Variants in TCF7L2 observed in about 807,000 individuals in gnomAD.
TCF7L2 encodes transcription factor 7-like 2.
A neutral mutation model predicts 77.9 loss-of-function variants in TCF7L2; 23 were observed. That is an observed-to-expected ratio of 0.30 (90% CI 0.21 to 0.42). TCF7L2 has a LOEUF of 0.42. Among genes scored for constraint, TCF7L2 ranks in the 10% least tolerant of loss-of-function variants. The pLI is 1.00. For synonymous variants in TCF7L2, 413 were observed against 340.2 expected (o/e 1.21, Z -2.36); for missense variants, 654 against 793.1 (o/e 0.82, Z 2.11).
intron 4 of TCF7L2, among the ~76,000 whole-genome samples, chr10:112,998,887 T>C (rs192064894): frequency 2.6e-5 from 4 of 152,382 alleles, no homozygotes; most frequent in Non-Finnish European, 5.9e-5. Context: ...TCACATCAAA[T>C]TAAGATACTG....
At chr10:113,039,908 C>A in intron 4 of TCF7L2, 117 bp from the exon 5 acceptor site, 1 of 804,438 alleles carries the variant, frequency 1.2e-6, no homozygotes, top group Non-Finnish European at 2.0e-6. Context: ...TGATTATTTG[C>A]ATGCTTGTAT....
chr10:113,048,002 G>A (rs1295724621), intron 5 of TCF7L2, among the ~76,000 whole-genome samples: 2 of 152,184 alleles, frequency 1.3e-5, no homozygotes, highest in African/African-American at 2.4e-5. Context: ...GGAAGCACTG[G>A]GATATGCGAA....
chr10:113,165,191 C>T (rs967190619), intron 13 of TCF7L2, among the ~76,000 whole-genome samples: 5 of 152,194 alleles, frequency 3.3e-5, no homozygotes, highest in Non-Finnish European at 5.9e-5. Context: ...TTCAGTTCTT[C>T]TCAATTTGGA....
At chr10:113,109,848 A>G (rs546436943) in intron 5 of TCF7L2, among the ~76,000 whole-genome samples, 1 of 152,342 alleles carries the variant, frequency 6.6e-6, no homozygotes, top group East Asian at 1.9e-4. Context: ...CATAATGTGC[A>G]TATGGTTCAT....
chr10:112,954,156 T>C (rs149851704), intron 3 of TCF7L2, among the ~76,000 whole-genome samples: 15 of 151,544 alleles, frequency 9.9e-5, no homozygotes, highest in African/African-American at 3.4e-4. Flanking sequence ...GGGCTTCCCA[T>C]ACTCTTCTGA....
intron 4 of TCF7L2, among the ~76,000 whole-genome samples, chr10:112,997,976 G>A (rs570413686): frequency 8.6e-5 from 13 of 151,942 alleles, no homozygotes; most frequent in Non-Finnish European, 1.8e-4. Flanking sequence ...TTAATTAATT[G>A]CCTTGACAGT....
At position 113,144,138 on chromosome 10, in the gene TCF7L2, A is replaced by ATG. The variant is rs914968388; in HGVS notation, c.788+123_788+124dup. ...TGTGTGTGTGTGTGTGTGTGTGTGT[A>ATG]TGTGTGTGTGTTAGAAGCCAGGGTT... On this transcript the variant is annotated intron_variant, in intron 7 of 13. Coordinates refer to ENST00000627217, the MANE Select transcript of TCF7L2 (RefSeq NM_001146274.2). 197 of 440,738 alleles carry ATG rather than the reference A, an allele frequency of 4.5e-4. 1 individual carries two copies. The highest frequency in any genetic ancestry group is 6.2e-4 in the Non-Finnish European group (182 of 293,780). 27.3% of individuals were successfully genotyped at this position (440,738 alleles called of 1,614,324 possible).
intron 3 of TCF7L2, chr10:112,951,898 G>GT (rs1440346288): frequency 8.1e-6 from 1 of 123,652 alleles, no homozygotes; most frequent in Non-Finnish European, 1.7e-5. Context: ...TGGGGAGGGG[G>GT]GGGAATCCGA....
intron 4 of TCF7L2, among the ~76,000 whole-genome samples, chr10:112,998,925 A>G (rs764796907): frequency 3.3e-5 from 5 of 152,168 alleles, no homozygotes; most frequent in Non-Finnish European, 7.3e-5. Flanking sequence ...TTATTTTTCC[A>G]TGTCCTCTTC....
rs148702761 is a variant in TCF7L2 at position 112,974,079 on chromosome 10, A to G, written c.450+9455A>G. Among the ~76,000 whole-genome samples, 304 of 152,356 alleles carry G rather than the reference A, an allele frequency of 2.0e-3. 1 individual carries two copies. The highest frequency in any genetic ancestry group is 3.4e-3 in the Middle Eastern group (1 of 294). Reference sequence around the variant, plus strand: ...TATCTTTCAACACGGCTTTCTTTCTATCTTTCCAGGAGAGGTTATCATCTT... The same window carrying G: ...TATCTTTCAACACGGCTTTCTTTCTGTCTTTCCAGGAGAGGTTATCATCTT... On this transcript the variant is annotated intron_variant, in intron 4 of 13. Coordinates refer to ENST00000627217, the MANE Select transcript of TCF7L2 (RefSeq NM_001146274.2).
At chr10:113,090,272 A>G in intron 5 of TCF7L2, among the ~76,000 whole-genome samples, 1 of 152,232 alleles carries the variant, frequency 6.6e-6, no homozygotes, top group East Asian at 1.9e-4. Context: ...TTTAAACAGC[A>G]AATGATTTAG....
intron 4 of TCF7L2, among the ~76,000 whole-genome samples, chr10:113,030,389 C>T (rs1175294447): frequency 6.6e-6 from 1 of 152,244 alleles, no homozygotes; most frequent in Non-Finnish European, 1.5e-5. Flanking sequence ...CATTCCTGGG[C>T]TGCTCCTTGT....
At chr10:113,110,395 A>AT (rs1243398063) in intron 5 of TCF7L2, among the ~76,000 whole-genome samples, 3 of 114,196 alleles carry the variant, frequency 2.6e-5, no homozygotes, top group Non-Finnish European at 5.6e-5. Context: ...TTTTTTACGA[A>AT]TTTTTTTCCT....
chr10:112,955,523 G>A (rs1589629136), intron 3 of TCF7L2, among the ~76,000 whole-genome samples: 1 of 152,172 alleles, frequency 6.6e-6, no homozygotes, highest in East Asian at 1.9e-4. Context: ...AGGCATTTGG[G>A]AGCCTAACGA....
At chr10:113,071,112 G>A (rs948134009) in intron 5 of TCF7L2, among the ~76,000 whole-genome samples, 9 of 152,088 alleles carry the variant, frequency 5.9e-5, no homozygotes, top group South Asian at 2.1e-4. Flanking sequence ...CTCAGATGTC[G>A]CCCTAGGCTT....
At chr10:113,090,188 A>G (rs574067710) in intron 5 of TCF7L2, among the ~76,000 whole-genome samples, 2 of 152,352 alleles carry the variant, frequency 1.3e-5, no homozygotes, top group East Asian at 3.9e-4. Context: ...AGAAAAAATA[A>G]CACCTAGAAC....
At chr10:113,113,065 C>A (rs934673727) in intron 5 of TCF7L2, among the ~76,000 whole-genome samples, 2 of 152,056 alleles carry the variant, frequency 1.3e-5, no homozygotes, top group African/African-American at 4.8e-5. Context: ...TTATTTTTGT[C>A]ATATTGATGT....
intron 8 of TCF7L2, among the ~76,000 whole-genome samples, chr10:113,149,909 A>G (rs1250197917): frequency 6.6e-6 from 1 of 152,164 alleles, no homozygotes; most frequent in Non-Finnish European, 1.5e-5. Flanking sequence ...TTTTTTCTAT[A>G]GTAGGATATG....
intron 4 of TCF7L2, among the ~76,000 whole-genome samples, chr10:112,982,282 T>C (rs2040611551): frequency 6.6e-6 from 1 of 152,196 alleles, no homozygotes; most frequent in Non-Finnish European, 1.5e-5. Context: ...GGTTACTTAA[T>C]TGCTATGTGG....
Sources: gnomAD v4.1 joint callset for allele counts (sites outside exome capture counted in the v4.1 genomes callset) on GRCh38, gnomAD v4.1.1 for gene constraint, MANE v1.5 for transcripts, NCBI Gene and HGNC (gene_info 2026-07-23, HGNC 2026-07-21) for gene names.